The following FOLH1 variants were observed in gnomAD, a reference collection of about 807,000 sequenced individuals.
FOLH1 encodes the protein folate hydrolase 1.
Under a neutral mutation model 93.9 loss-of-function variants are expected in FOLH1, and 54 were observed. That is an observed-to-expected ratio of 0.57 (90% CI 0.46 to 0.72). FOLH1 has a LOEUF of 0.72. Ranked by LOEUF, FOLH1 falls within the 30% of genes least tolerant of loss-of-function variation. The pLI is 0.00. For missense variants in FOLH1, 571 were observed against 892.5 expected, an observed-to-expected ratio of 0.64 and a Z score of 4.59; for synonymous variants, 249 against 303.6, an observed-to-expected ratio of 0.82 and a Z score of 1.87.
chr11:49,166,038 A>T (rs1170159357), intron 12 of FOLH1, among the ~76,000 whole-genome samples: 1 of 152,220 alleles, frequency 6.6e-6, no homozygotes, highest in Non-Finnish European at 1.5e-5. Context: ...AATAATATTA[A>T]CCACAACAAA....
At chr11:49,172,522 C>G (rs1162240324) in intron 10 of FOLH1, among the ~76,000 whole-genome samples, 1 of 151,912 alleles carries the variant, frequency 6.6e-6, no homozygotes, top group Non-Finnish European at 1.5e-5. Flanking sequence ...CTATCTGTAA[C>G]ATGAGAAGAT....
In FOLH1 at chr11:49,175,898, T is replaced by C. The variant is rs767008939; in HGVS notation, c.980A>G (p.Tyr327Cys). ...SSWRGSLKVP[Y>C]NVGPGFTGNF... is the part of the protein sequence containing the mutation. ...TCCAGTAAAGCCAGGTCCAACATTGTAGGGCACTTTGAGACTTCCTCTCCA... is the reference window on the plus strand; with the variant it reads ...TCCAGTAAAGCCAGGTCCAACATTGCAGGGCACTTTGAGACTTCCTCTCCA... Residue 327 changes from tyrosine to cysteine, a missense_variant, in exon 8 of 19, where the codon TAC becomes TGC. Transcript: ENST00000256999. 3.1e-6 allele frequency: 5 copies of C among 1,613,842 alleles called. No homozygotes were observed. The South Asian group carries it at 3.3e-5, about 11-fold the overall frequency.
At chr11:49,151,565 T>C (rs1307782310) in intron 17 of FOLH1, among the ~76,000 whole-genome samples, 1 of 152,232 alleles carries the variant, frequency 6.6e-6, no homozygotes, top group Non-Finnish European at 1.5e-5. Context: ...GGTTGAGAAA[T>C]TCAACATTCA....
intron 13 of FOLH1, among the ~76,000 whole-genome samples, chr11:49,161,470 T>A (rs1179121404): frequency 6.6e-6 from 1 of 152,204 alleles, no homozygotes; most frequent in African/African-American, 2.4e-5. Flanking sequence ...TTCTGTTTTC[T>A]ATTTGCTTGG....
rs569051743 is a variant in FOLH1, at chr11:49,178,311, C to T, written c.921-2354G>A. ...TCTGCAGCAGAGAACTATGCTAATA[C>T]ACTATAAACTAATAACATCAGTTGC... On this transcript the variant is annotated intron_variant, in intron 7 of 18. Transcript: ENST00000256999. 2.0e-5 allele frequency among the ~76,000 whole-genome samples: 3 copies of T among 152,342 alleles called. No homozygotes were observed. The South Asian group carries it at 6.2e-4, about 32-fold the overall frequency.
chr11:49,202,582 G>A (rs1245753738), intron 2 of FOLH1, among the ~76,000 whole-genome samples: 1 of 152,150 alleles, frequency 6.6e-6, no homozygotes, highest in African/African-American at 2.4e-5. Context: ...TCTCACTCAA[G>A]GCATCTGCCT....
chr11:49,188,308 A>G (rs978251635), intron 4 of FOLH1, among the ~76,000 whole-genome samples: 10 of 152,028 alleles, frequency 6.6e-5, no homozygotes, highest in Non-Finnish European at 1.5e-5. Flanking sequence ...TGAGGTTGGG[A>G]GTTCAAGACC....
chr11:49,198,707 A>C (rs1247473465), intron 3 of FOLH1, among the ~76,000 whole-genome samples: 1 of 151,880 alleles, frequency 6.6e-6, no homozygotes, highest in Non-Finnish European at 1.5e-5. Context: ...AAACATTCTG[A>C]GACTATATGA....
At chr11:49,190,001 T>A (rs1357567919) in intron 4 of FOLH1, among the ~76,000 whole-genome samples, 2 of 152,208 alleles carry the variant, frequency 1.3e-5, no homozygotes, top group African/African-American at 4.8e-5. Context: ...ATTAATGCAC[T>A]ATTAATCATA....
chr11:49,196,842 C>T (rs1862673897), intron 3 of FOLH1, among the ~76,000 whole-genome samples: 1 of 152,134 alleles, frequency 6.6e-6, no homozygotes, highest in African/African-American at 2.4e-5. Flanking sequence ...AGGATATCTG[C>T]TATCAAAACT....
Position 49,146,839 on chromosome 11 carries a change from C to T in FOLH1, c.2170G>A (p.Ala724Thr). Residue 724 changes from alanine to threonine, a missense_variant, in exon 19 of 19, where the codon GCC becomes ACC. Physicochemically the swap from Ala to Thr is moderately conservative, Grantham distance 58. Coordinates refer to ENST00000256999, the MANE Select transcript of FOLH1 (RefSeq NM_004476.3). ...DIESKVDPSKAWGEVKRQIYV... is the reference protein window; with the variant it reads ...DIESKVDPSKTWGEVKRQIYV... ...ATCTGTCTCTTCACTTCTCCCCAGG[C>T]CTTGGAAGGGTCCACTTTGCTTTCA... is the stretch of plus-strand genomic sequence containing the variant. The T allele has an allele frequency of 6.2e-7, 1 of 1,613,534 alleles. No individual in the cohort carries two copies. Among genetic ancestry groups the T allele is most frequent in the Non-Finnish European group, 8.5e-7 (1 of 1,179,648 alleles).
At chr11:49,206,371 A>C in intron 1 of FOLH1, 199 bp from the exon 2 acceptor site, 3 of 919,858 alleles carry the variant, frequency 3.3e-6, no homozygotes, top group Non-Finnish European at 5.0e-6. Flanking sequence ...TAAGTTGCAA[A>C]CCAATTGCAA....
intron 16 of FOLH1, 149 bp from the exon 17 acceptor site, chr11:49,154,076 C>T (rs1856752399): frequency 2.0e-5 from 27 of 1,354,746 alleles, no homozygotes; most frequent in Non-Finnish European, 2.7e-5. Flanking sequence ...ACGTGAGCAT[C>T]CATAAAATGG....
At chr11:49,184,377 C>T (rs1861139293) in intron 6 of FOLH1, among the ~76,000 whole-genome samples, 2 of 152,048 alleles carry the variant, frequency 1.3e-5, no homozygotes, top group Admixed American at 1.3e-4. Flanking sequence ...ATAGAAATAA[C>T]ATAATTTCTC....
intron 1 of FOLH1, among the ~76,000 whole-genome samples, chr11:49,207,036 A>G (rs1262207621): frequency 6.6e-6 from 1 of 152,056 alleles, no homozygotes; most frequent in African/African-American, 2.4e-5. Flanking sequence ...ATACATATAT[A>G]CATGCATATT....
intron 14 of FOLH1, among the ~76,000 whole-genome samples, chr11:49,157,025 C>T (rs908874981): frequency 1.3e-5 from 2 of 152,074 alleles, no homozygotes; most frequent in Admixed American, 6.6e-5. Flanking sequence ...TTTTATGTCA[C>T]ATTTTGTTAA....
At chr11:49,179,240 T>G (rs957502496) in intron 7 of FOLH1, among the ~76,000 whole-genome samples, 1 of 152,238 alleles carries the variant, frequency 6.6e-6, no homozygotes, top group Non-Finnish European at 1.5e-5. Flanking sequence ...CTATTCTGGC[T>G]GGGATATAAA....
intron 1 of FOLH1, chr11:49,207,982 A>T: frequency 1.9e-6 from 1 of 528,158 alleles, no homozygotes; most frequent in Non-Finnish European, 3.4e-6. Flanking sequence ...CAAAAGCAAA[A>T]AAAAAACTTC....
chr11:49,155,226 G>A (rs1252750857), intron 15 of FOLH1, among the ~76,000 whole-genome samples: 1 of 152,070 alleles, frequency 6.6e-6, no homozygotes, highest in South Asian at 2.1e-4. Flanking sequence ...TAGGCTTCAG[G>A]ACTTACTACC....
Sources: gnomAD v4.1 joint callset for allele counts (sites outside exome capture counted in the v4.1 genomes callset) on GRCh38, gnomAD v4.1.1 for gene constraint, MANE v1.5 for transcripts, NCBI Gene and HGNC (gene_info 2026-07-23, HGNC 2026-07-21) for gene names.